CTDSPL2: variants seen among roughly 807,000 people sequenced by gnomAD.
The protein encoded by CTDSPL2 is CTD small phosphatase like 2, also known as CTD small phosphatase-like protein 2.
In CTDSPL2, 5 loss-of-function variants were observed where a neutral mutation model predicts 60.0. The observed-to-expected ratio is 0.08, with a 90% CI of 0.04 to 0.18. CTDSPL2 has a LOEUF of 0.18. CTDSPL2 is among the 10% of genes least tolerant of loss of function. The pLI, the probability that CTDSPL2 is intolerant of heterozygous loss-of-function variation, is 1.00. For missense variants in CTDSPL2, 370 were observed against 548.8 expected (o/e 0.67, Z 3.26); for synonymous variants, 186 against 189.3 (o/e 0.98, Z 0.14).
intron 2 of CTDSPL2, among the ~76,000 whole-genome samples, chr15:44,460,329 T>C (rs958863134): frequency 3.3e-5 from 5 of 152,118 alleles, no homozygotes; most frequent in Non-Finnish European, 7.4e-5. Context: ...TGGATGGTCT[T>C]GATCTCCTGA....
intron 2 of CTDSPL2, among the ~76,000 whole-genome samples, chr15:44,470,181 A>G (rs139964032): frequency 6.6e-6 from 1 of 150,666 alleles, no homozygotes; most frequent in African/African-American, 2.4e-5. Context: ...GGTTATTAAG[A>G]GAGGGATGTT....
chr15:44,443,282 C>T (rs2080130436), intron 1 of CTDSPL2, among the ~76,000 whole-genome samples: 1 of 152,184 alleles, frequency 6.6e-6, no homozygotes, highest in South Asian at 2.1e-4. Flanking sequence ...TGTGTACGTA[C>T]CACATTTTGT....
At chr15:44,455,002 A>G (rs944389062) in intron 1 of CTDSPL2, among the ~76,000 whole-genome samples, 4 of 152,148 alleles carry the variant, frequency 2.6e-5, no homozygotes, top group African/African-American at 7.2e-5. Context: ...CATTGAATCT[A>G]TAAATTACCT....
intron 2 of CTDSPL2, among the ~76,000 whole-genome samples, chr15:44,478,489 A>T (rs1454972586): frequency 7.1e-6 from 1 of 140,930 alleles, no homozygotes; most frequent in African/African-American, 2.5e-5. Flanking sequence ...AAAAAGACTC[A>T]TGAGAAGCAT....
At chr15:44,442,061 T>G (rs1406485083) in intron 1 of CTDSPL2, among the ~76,000 whole-genome samples, 1 of 152,180 alleles carries the variant, frequency 6.6e-6, no homozygotes, top group African/African-American at 2.4e-5. Flanking sequence ...TGTCTTGTGG[T>G]CAGCTCCTCC....
chr15:44,480,078 A>G (rs1415755244), intron 2 of CTDSPL2, among the ~76,000 whole-genome samples: 1 of 152,074 alleles, frequency 6.6e-6, no homozygotes, highest in Non-Finnish European at 1.5e-5. Context: ...TCCACTCCCA[A>G]TACTTCCTCC....
In CTDSPL2 at chr15:44,506,552, T is replaced by C. The variant is rs371860995; in HGVS notation, c.969+6739T>C. Among the ~76,000 whole-genome samples, 12 of 151,348 alleles carry C rather than the reference T, an allele frequency of 7.9e-5. No individual in the cohort carries two copies. In the East Asian group the frequency reaches 1.6e-3, roughly 20 times the overall value. On this transcript the variant is annotated intron_variant, in intron 8 of 12. Transcript: ENST00000260327. ...TCACCTCAGCCTCCCAAACAGTAGC[T>C]GGGACTACAGGAATGTGCCACCATG...
At chr15:44,449,164 G>A (rs775654761) in intron 1 of CTDSPL2, 32 of 299,136 alleles carry the variant, frequency 1.1e-4, no homozygotes, top group Non-Finnish European at 1.4e-5. Context: ...GGGCCACTTG[G>A]TCTCATATCT....
intron 8 of CTDSPL2, among the ~76,000 whole-genome samples, chr15:44,511,556 G>A (rs1323605403): frequency 2.6e-5 from 4 of 152,264 alleles, no homozygotes; most frequent in African/African-American, 4.8e-5. Flanking sequence ...CAAAAAATGC[G>A]AAATCTGAAA....
intron 2 of CTDSPL2, among the ~76,000 whole-genome samples, chr15:44,469,972 C>T (rs971720886): frequency 5.3e-5 from 8 of 151,884 alleles, no homozygotes; most frequent in African/African-American, 1.9e-4. Context: ...GTGGCAGGCA[C>T]CTGTGGTCCC....
chr15:44,510,515 ATAAAT>A (rs1424909933), intron 8 of CTDSPL2, among the ~76,000 whole-genome samples: 2 of 152,194 alleles, frequency 1.3e-5, no homozygotes, highest in Non-Finnish European at 2.9e-5. Flanking sequence ...TATTTGTACT[ATAAAT>A]AAAATATTAT....
intron 8 of CTDSPL2, among the ~76,000 whole-genome samples, chr15:44,503,076 A>C (rs2081405979): frequency 6.6e-6 from 1 of 152,314 alleles, no homozygotes; most frequent in Middle Eastern, 3.4e-3. Flanking sequence ...GTTACTACTG[A>C]CACTATGTGG....
At chr15:44,436,995 G>A (rs899710132) in intron 1 of CTDSPL2, among the ~76,000 whole-genome samples, 2 of 152,076 alleles carry the variant, frequency 1.3e-5, no homozygotes, top group Non-Finnish European at 2.9e-5. Flanking sequence ...ATTCATTTAT[G>A]TTTCATAAGT....
chr15:44,514,673 A>C lies in CTDSPL2; in HGVS notation c.1032+13A>C. 6.3e-7 allele frequency: 1 copy of C among 1,588,842 alleles called. No individual in the cohort carries two copies. The highest frequency in any genetic ancestry group is 8.6e-7 in the Non-Finnish European group (1 of 1,157,470). On this transcript the variant is annotated intron_variant, in intron 9 of 12. Transcript: ENST00000260327. Reference sequence around the variant, plus strand: ...TCAGATGTATGAGGTAAACATGCTTAAGCTAATTACATATGTATTTTTATT... The same window carrying C: ...TCAGATGTATGAGGTAAACATGCTTCAGCTAATTACATATGTATTTTTATT...
rs555905511 is a variant in CTDSPL2, at chr15:44,526,080, A to T, written c.*1906A>T. The stretch of plus-strand genomic sequence containing the variant: ...AAAAAAATACTACAGATTCATTTTA[A>T]TGAGAATCTTTGAAATGTATTTATC... On this transcript the variant is annotated 3_prime_UTR_variant, in exon 13 of 13. Coordinates refer to ENST00000260327, the MANE Select transcript of CTDSPL2 (RefSeq NM_016396.3). 1 of 152,328 alleles carries T rather than the reference A, an allele frequency of 6.6e-6. No individual in the cohort carries two copies. Among genetic ancestry groups the T allele is most frequent in the East Asian group, 1.9e-4 (1 of 5,196 alleles). 9.4% of individuals were successfully genotyped at this position (152,328 alleles called of 1,614,324 possible). A position where few individuals can be genotyped will look rare whatever the true frequency, so the allele number is the denominator to read the frequency against.
rs144732275 is a variant in CTDSPL2, at chr15:44,502,104, T to C, written c.969+2291T>C. On this transcript the variant is annotated intron_variant, in intron 8 of 12. Transcript: ENST00000260327. ...TACTATGATGTGGCCCACTTAAAGG[T>C]AGAAATCTGTAAAGTACTGCATATA... is the stretch of plus-strand genomic sequence containing the variant. The C allele has an allele frequency of 5.2e-4, 185 of 354,384 alleles. 4 individuals are homozygous for C. In the East Asian group the frequency reaches 0.014, roughly 28 times the overall value. The allele number at this position is 354,384 out of a possible 1,614,324, so 22.0% of individuals were successfully genotyped here. A position where few individuals can be genotyped will look rare whatever the true frequency, so the allele number is the denominator to read the frequency against.
At chr15:44,508,569 A>G (rs769521061) in intron 8 of CTDSPL2, among the ~76,000 whole-genome samples, 1 of 152,148 alleles carries the variant, frequency 6.6e-6, no homozygotes, top group Non-Finnish European at 1.5e-5. Context: ...ACCTATTGCC[A>G]CAATGTAGCA....
Position 44,456,866 on chromosome 15 carries a change from C to CT in CTDSPL2, c.-24-2114dup, listed in dbSNP as rs1381463468. ...TCAGTTTTAGATCTTTTTTTTTTTT[C>CT]TTTTTTTTTTTGTTTTTTTTTCTTT... On this transcript the variant is annotated intron_variant, in intron 1 of 12. Transcript: ENST00000260327. Among the ~76,000 whole-genome samples, 531 of 99,644 alleles carry CT rather than the reference C, an allele frequency of 5.3e-3. 4 individuals are homozygous for CT. The highest frequency in any genetic ancestry group is 0.012 in the African/African-American group (304 of 25,268). 65.4% of individuals were successfully genotyped at this position (99,644 alleles called of 152,430 possible).
Position 44,459,693 on chromosome 15 carries a change from G to A in CTDSPL2, c.186+493G>A, listed in dbSNP as rs187607121. ...ACATTATTCCACTGAACTAATCCAC[G>A]TAGCCTTCTGCTTTTTCAACATAGT... On this transcript the variant is annotated intron_variant, in intron 2 of 12. Transcript: ENST00000260327. Among the ~76,000 whole-genome samples, 17 of 152,224 alleles carry A rather than the reference G, an allele frequency of 1.1e-4. 1 individual carries two copies. The East Asian group carries it at 2.1e-3, about 19-fold the overall frequency.
Sources: allele counts gnomAD v4.1 joint callset (sites outside exome capture counted in the v4.1 genomes callset), GRCh38; gene constraint gnomAD v4.1.1; transcripts MANE v1.5; gene names NCBI Gene and HGNC (gene_info 2026-07-23, HGNC 2026-07-21).